Variants in RIT2 observed in about 807,000 individuals in gnomAD.
The protein encoded by RIT2 is Ras like without CAAX 2.
RIT2 carries 24 observed loss-of-function variants against 23.7 expected under a neutral mutation model. That is an observed-to-expected ratio of 1.01 (90% confidence interval 0.73 to 1.43). The LOEUF (loss-of-function observed/expected upper bound fraction) is 1.43, where lower values mean the gene tolerates loss of function less well. Among genes scored for constraint, RIT2 ranks in the 40% most tolerant of loss-of-function variants. RIT2 has a pLI of 0.00. For synonymous variants in RIT2, 107 were observed against 91.1 expected, an observed-to-expected ratio of 1.17 and a Z score of -0.99; for missense variants, 236 against 266.9, an observed-to-expected ratio of 0.88 and a Z score of 0.81.
intron 4 of RIT2, among the ~76,000 whole-genome samples, chr18:42,894,145 C>G (rs1397946988): frequency 6.6e-6 from 1 of 152,154 alleles, no homozygotes; most frequent in African/African-American, 2.4e-5. Context: ...CCCTATATAT[C>G]CTGTGGTGGC....
intron 4 of RIT2, among the ~76,000 whole-genome samples, chr18:42,895,887 CTG>C (rs1352208167): frequency 5.3e-5 from 8 of 152,170 alleles, no homozygotes; most frequent in African/African-American, 1.9e-4. Flanking sequence ...ACACATCAAA[CTG>C]ATAACAGTGG....
chr18:43,023,200 G>A (rs1244651795), intron 2 of RIT2, among the ~76,000 whole-genome samples: 2 of 152,016 alleles, frequency 1.3e-5, no homozygotes, highest in Non-Finnish European at 2.9e-5. Flanking sequence ...ACTTCACATA[G>A]TAGATTGGAT....
In RIT2 at chr18:42,923,636, C is replaced by A; in HGVS notation, c.362G>T (p.Arg121Leu). 6.2e-7 allele frequency: 1 copy of A among 1,613,278 alleles called. No homozygotes were observed. Among genetic ancestry groups the A allele is most frequent in the Non-Finnish European group, 8.5e-7 (1 of 1,179,584 alleles). ...AKFKELIFQV[R>L]HTYEIPLVLV... ...CACCAGGGGAATTTCATAGGTGTGG[C>A]GGACCTGAAAAATGAGCTCTTTAAA... The change falls in exon 4 of 5, where the codon CGC becomes CTC. Residue 121 changes from arginine (R) to leucine (L), a missense_variant. Coordinates refer to ENST00000326695, the MANE Select transcript of RIT2 (RefSeq NM_002930.4).
intron 1 of RIT2, among the ~76,000 whole-genome samples, chr18:43,076,306 A>G (rs773003079): frequency 6.6e-6 from 1 of 152,200 alleles, no homozygotes; most frequent in Non-Finnish European, 1.5e-5. Context: ...ATGTTTGTCT[A>G]CTTAGAGCTG....
chr18:42,989,317 G>T (rs557472788), intron 2 of RIT2, among the ~76,000 whole-genome samples: 1 of 152,208 alleles, frequency 6.6e-6, no homozygotes, highest in Non-Finnish European at 1.5e-5. Context: ...CTGGGACTGG[G>T]ATTCTGTATT....
chr18:43,075,710 C>T (rs1912997942), intron 1 of RIT2, among the ~76,000 whole-genome samples: 1 of 152,042 alleles, frequency 6.6e-6, no homozygotes, highest in African/African-American at 2.4e-5. Flanking sequence ...TTGCAACCAC[C>T]TTTTCAATTT....
At chr18:42,875,320 T>TTC (rs957208185) in intron 4 of RIT2, among the ~76,000 whole-genome samples, 8 of 151,520 alleles carry the variant, frequency 5.3e-5, no homozygotes, top group Non-Finnish European at 1.2e-4. Flanking sequence ...GTTGCCTTCT[T>TTC]TCTCTCTCTC....
chr18:42,864,693 T>C (rs2144054239), intron 4 of RIT2, among the ~76,000 whole-genome samples: 1 of 152,318 alleles, frequency 6.6e-6, no homozygotes, highest in Admixed American at 6.5e-5. Context: ...AACCAGATCC[T>C]TTTTCACAGA....
intron 4 of RIT2, among the ~76,000 whole-genome samples, chr18:42,763,061 T>C (rs891493833): frequency 1.3e-5 from 2 of 152,214 alleles, no homozygotes; most frequent in African/African-American, 4.8e-5. Context: ...GCTGCAAACC[T>C]GTACATCATA....
chr18:43,032,362 A>G (rs1385433908), intron 2 of RIT2, among the ~76,000 whole-genome samples: 1 of 152,104 alleles, frequency 6.6e-6, no homozygotes, highest in Non-Finnish European at 1.5e-5. Context: ...TTGAGACACC[A>G]ATACATACAA....
intron 1 of RIT2, among the ~76,000 whole-genome samples, chr18:43,044,929 T>C (rs1912211413): frequency 6.6e-6 from 1 of 152,162 alleles, no homozygotes; most frequent in Non-Finnish European, 1.5e-5. Flanking sequence ...CACTGACTGA[T>C]TTTCAAGGAT....
Position 42,895,781 on chromosome 18 carries a change from G to A in RIT2, c.426+27791C>T, listed in dbSNP as rs568782254. Among the ~76,000 whole-genome samples, 7 of 152,236 alleles carry A rather than the reference G, an allele frequency of 4.6e-5. No individual in the cohort carries two copies. In the South Asian group the frequency reaches 1.2e-3, roughly 27 times the overall value. On this transcript the variant is annotated intron_variant, in intron 4 of 4. Coordinates refer to ENST00000326695, the MANE Select transcript of RIT2 (RefSeq NM_002930.4). ...TGACATCTCTATTAACTGGCATAAA[G>A]GGATCTCTCAGTCACAATGCAGAGT...
At chr18:42,893,338 G>C (rs1908234022) in intron 4 of RIT2, among the ~76,000 whole-genome samples, 1 of 152,136 alleles carries the variant, frequency 6.6e-6, no homozygotes, top group African/African-American at 2.4e-5. Flanking sequence ...AGTTCTGGAG[G>C]CTGGAAAGTC....
intron 1 of RIT2, among the ~76,000 whole-genome samples, chr18:43,048,238 A>G (rs1277479437): frequency 6.6e-6 from 1 of 152,202 alleles, no homozygotes; most frequent in Non-Finnish European, 1.5e-5. Context: ...TCTTTTGTAT[A>G]TCTATAACAA....
At chr18:42,857,908 C>T (rs1297349289) in intron 4 of RIT2, among the ~76,000 whole-genome samples, 1 of 152,120 alleles carries the variant, frequency 6.6e-6, no homozygotes, top group Non-Finnish European at 1.5e-5. Context: ...AGGCTGTGCA[C>T]GGTGGCTCAT....
At chr18:43,068,234 G>A (rs1324953441) in intron 1 of RIT2, among the ~76,000 whole-genome samples, 4 of 152,108 alleles carry the variant, frequency 2.6e-5, no homozygotes, top group Non-Finnish European at 5.9e-5. Flanking sequence ...ATAAATCTAT[G>A]GAATAGGTAC....
At chr18:42,828,773 G>A (rs1051800242) in intron 4 of RIT2, among the ~76,000 whole-genome samples, 7 of 152,156 alleles carry the variant, frequency 4.6e-5, no homozygotes, top group South Asian at 2.1e-4. Flanking sequence ...GTAAACAGGC[G>A]ACTGAAAAGG....
At chr18:42,878,800 G>A (rs1004834465) in intron 4 of RIT2, among the ~76,000 whole-genome samples, 1 of 151,708 alleles carries the variant, frequency 6.6e-6, no homozygotes, top group East Asian at 1.9e-4. Flanking sequence ...CTTTCTCTAT[G>A]GAAGGTGAGA....
At chr18:42,808,511 A>G (rs1905748453) in intron 4 of RIT2, among the ~76,000 whole-genome samples, 1 of 152,192 alleles carries the variant, frequency 6.6e-6, no homozygotes, top group Non-Finnish European at 1.5e-5. Flanking sequence ...TCATGATAAA[A>G]ATATCTAAAA....
Sources: allele counts gnomAD v4.1 joint callset (sites outside exome capture counted in the v4.1 genomes callset), GRCh38; gene constraint gnomAD v4.1.1; transcripts MANE v1.5; gene names NCBI Gene and HGNC (gene_info 2026-07-23, HGNC 2026-07-21).